The following SLC30A5 variants were observed in gnomAD, a reference collection of about 807,000 sequenced individuals.
SLC30A5 encodes proton-coupled zinc antiporter SLC30A5.
Under a neutral mutation model 79.6 loss-of-function variants are expected in SLC30A5, and 33 were observed. The observed-to-expected ratio is 0.41, with a 90% CI of 0.31 to 0.55. The LOEUF (loss-of-function observed/expected upper bound fraction) is 0.55. SLC30A5 is among the 20% of genes least tolerant of loss of function. The pLI is 0.20. For synonymous variants in SLC30A5, 299 were observed against 319.7 expected (o/e 0.94, Z 0.69); for missense variants, 788 against 928.1 (o/e 0.85, Z 1.96).
chr5:69,125,930 T>A (rs1746676315), intron 14 of SLC30A5, among the ~76,000 whole-genome samples: 1 of 140,044 alleles, frequency 7.1e-6, no homozygotes. Context: ...ACACCTGTAA[T>A]CCCAACTACC....
chr5:69,097,566 T>A (rs545386049), intron 1 of SLC30A5, among the ~76,000 whole-genome samples: 149 of 152,284 alleles, frequency 9.8e-4, no homozygotes, highest in African/African-American at 3.2e-3. Flanking sequence ...CTCCTGGGCT[T>A]AAGCAATCCT....
chr5:69,103,033 TTAATA>T (rs773632208), intron 2 of SLC30A5, 24 bp from the exon 3 acceptor site: 5 of 1,122,892 alleles, frequency 4.5e-6, no homozygotes, highest in Non-Finnish European at 6.6e-6. Context: ...TGGATTAATA[TTAATA>T]TATTAATGTT....
chr5:69,114,792 G>A (rs1746317381), intron 7 of SLC30A5, among the ~76,000 whole-genome samples: 1 of 152,216 alleles, frequency 6.6e-6, no homozygotes, highest in Admixed American at 6.5e-5. Flanking sequence ...TTGAACCCGG[G>A]AGGCCGAGGT....
At chr5:69,106,525 TA>T (rs1164577437) in intron 4 of SLC30A5, among the ~76,000 whole-genome samples, 5 of 152,200 alleles carry the variant, frequency 3.3e-5, no homozygotes, top group Non-Finnish European at 7.3e-5. Context: ...CTAAAACCAT[TA>T]TGCAGTTTCT....
At chr5:69,097,068 C>T (rs1005156397) in intron 1 of SLC30A5, among the ~76,000 whole-genome samples, 1 of 151,046 alleles carries the variant, frequency 6.6e-6, no homozygotes, top group Non-Finnish European at 1.5e-5. Flanking sequence ...ACAAAAAACA[C>T]CCTTAGAGAT....
chr5:69,104,170 C>A, intron 3 of SLC30A5: 1 of 1,177,836 alleles, frequency 8.5e-7, no homozygotes, highest in Non-Finnish European at 1.1e-6. Context: ...AAGAGTCTTG[C>A]TCCATCGCCC....
intron 1 of SLC30A5, 106 bp from the exon 2 acceptor site, chr5:69,100,701 G>T: frequency 1.2e-6 from 1 of 850,944 alleles, no homozygotes; most frequent in Non-Finnish European, 1.8e-6. Flanking sequence ...TTGTGTTTAT[G>T]TATATTTCTG....
In SLC30A5 at chr5:69,100,857, T is replaced by C; in HGVS notation, c.134T>C (p.Val45Ala). The C allele has an allele frequency of 6.2e-7, 1 of 1,608,074 alleles. No homozygotes were observed. The highest frequency in any genetic ancestry group is 8.5e-7 in the Non-Finnish European group (1 of 1,175,394). The change falls in exon 2 of 16, where the codon GTG becomes GCG. Residue 45 changes from valine to alanine, a missense_variant. By Grantham distance (64) the Val-to-Ala change is moderately conservative (BLOSUM62 0). Transcript: ENST00000396591. Reference protein sequence around the residue: ...LLCFTKFLKAVGLFESYDLLK... With the variant: ...LLCFTKFLKAAGLFESYDLLK... ...TGTTTCACTAAATTTTTGAAGGCTGTGGGACTTTTCGAATCATATGATCTC... is the reference window on the plus strand; with the variant it reads ...TGTTTCACTAAATTTTTGAAGGCTGCGGGACTTTTCGAATCATATGATCTC...
rs1746830519 is a variant in SLC30A5, at chr5:69,130,908, A to G, written c.*1291A>G. On this transcript the variant is annotated 3_prime_UTR_variant, in exon 16 of 16. Transcript: ENST00000396591. ...TGAGTACTATTTTCTTATATATACC[A>G]CAATGGCAAACATGTATTATAAATC... 1 of 152,172 alleles carries G rather than the reference A, an allele frequency of 6.6e-6. No homozygotes were observed. The highest frequency in any genetic ancestry group is 1.5e-5 in the Non-Finnish European group (1 of 68,014). 9.4% of individuals were successfully genotyped at this position (152,172 alleles called of 1,614,324 possible). A position where few individuals can be genotyped will look rare whatever the true frequency, so the allele number is the denominator to read the frequency against.
rs771475226 is a variant in SLC30A5, at chr5:69,113,131, T to C, written c.448-9T>C. ...AAGTCATCCTTGATGTTGTTTTCTT[T>C]ATTTTCAGACAAGGGGAGCTGCTTT... On this transcript the variant is annotated splice_polypyrimidine_tract_variant and intron_variant, in intron 5 of 15. Coordinates refer to ENST00000396591, the MANE Select transcript of SLC30A5 (RefSeq NM_022902.5). 3.7e-6 allele frequency: 6 copies of C among 1,610,110 alleles called. No homozygotes were observed. In the South Asian group the frequency reaches 5.5e-5, roughly 15 times the overall value.
chr5:69,112,402 T>C lies in SLC30A5; in HGVS notation c.448-738T>C, dbSNP rs1205475093. Reference sequence around the variant, plus strand: ...ATGTCCTTTCTATAATTTTCTTTTATGAAAACCTTTTTCCTCAGCCTGAAC... The same window carrying C: ...ATGTCCTTTCTATAATTTTCTTTTACGAAAACCTTTTTCCTCAGCCTGAAC... On this transcript the variant is annotated intron_variant, in intron 5 of 15. Coordinates refer to ENST00000396591, the MANE Select transcript of SLC30A5 (RefSeq NM_022902.5). Among the ~76,000 whole-genome samples the C allele has an allele frequency of 2.6e-5, 4 of 152,232 alleles. No individual in the cohort carries two copies. The East Asian group carries it at 7.7e-4, about 29-fold the overall frequency.
intron 1 of SLC30A5, 54 bp from the exon 2 acceptor site, chr5:69,100,751 ATG>A: frequency 6.7e-7 from 1 of 1,482,000 alleles, no homozygotes. Flanking sequence ...AACCAGATTG[ATG>A]AGCTGCTTGT....
At chr5:69,107,734 C>CCT (rs1746119414) in intron 4 of SLC30A5, among the ~76,000 whole-genome samples, 2 of 137,002 alleles carry the variant, frequency 1.5e-5, no homozygotes, top group African/African-American at 5.4e-5. Flanking sequence ...GTTGCCTGTA[C>CCT]TTTTTTTTTT....
chr5:69,100,882 C>T lies in SLC30A5; in HGVS notation c.159C>T (p.Leu53=). 5 of 1,610,828 alleles carry T rather than the reference C, an allele frequency of 3.1e-6. No homozygotes were observed. The highest frequency in any genetic ancestry group is 3.4e-6 in the Non-Finnish European group (4 of 1,177,910). Residue 53 remains leucine (L), a synonymous_variant, in exon 2 of 16, where the codon CTC becomes CTT. Coordinates refer to ENST00000396591, the MANE Select transcript of SLC30A5 (RefSeq NM_022902.5). The part of the protein sequence containing the change: ...KAVGLFESYD[L]LKAVHIVQFI... ...TGGGACTTTTCGAATCATATGATCT[C>T]CTAAAAGCTGTTCACATTGTTCAGT...
intron 1 of SLC30A5, among the ~76,000 whole-genome samples, chr5:69,094,761 T>C (rs1213656718): frequency 6.6e-6 from 1 of 152,094 alleles, no homozygotes; most frequent in Non-Finnish European, 1.5e-5. Flanking sequence ...CCAAAGTACA[T>C]ACGTGAACTT....
rs117319810 is a variant in SLC30A5, at chr5:69,096,469, A to G, written c.83+2131A>G. Among the ~76,000 whole-genome samples, 188 of 152,306 alleles carry G rather than the reference A, an allele frequency of 1.2e-3. 3 individuals carry two copies. In the East Asian group the frequency reaches 0.032, roughly 26 times the overall value. ...ACTTACTTAGCAGAGTTGCCCTTCT[A>G]TTGTAGTTTATTGCAGAATCAAATT... On this transcript the variant is annotated intron_variant, in intron 1 of 15. Coordinates refer to ENST00000396591, the MANE Select transcript of SLC30A5 (RefSeq NM_022902.5).
chr5:69,095,269 C>T (rs58151499), intron 1 of SLC30A5, among the ~76,000 whole-genome samples: 41,640 of 144,342 alleles, frequency 0.29, 6,184 homozygotes, highest in Middle Eastern at 0.37. Flanking sequence ...GGCGCGATCT[C>T]GGCTCACGAC....
chr5:69,118,161 A>T, intron 11 of SLC30A5, among the ~76,000 whole-genome samples: 1 of 142,698 alleles, frequency 7.0e-6, no homozygotes, highest in South Asian at 2.2e-4. Context: ...TGGGTGACAG[A>T]GCAAGACTCT....
intron 4 of SLC30A5, among the ~76,000 whole-genome samples, chr5:69,107,549 A>T (rs1319436158): frequency 6.6e-6 from 1 of 152,278 alleles, no homozygotes; most frequent in Admixed American, 6.5e-5. Context: ...GTACTGTATT[A>T]TATGACTGGC....
Sources: gnomAD v4.1 joint callset for allele counts (sites outside exome capture counted in the v4.1 genomes callset) on GRCh38, gnomAD v4.1.1 for gene constraint, MANE v1.5 for transcripts, NCBI Gene and HGNC (gene_info 2026-07-23, HGNC 2026-07-21) for gene names.